The following CNTN5 variants were observed in gnomAD, a reference collection of about 807,000 sequenced individuals.
The protein encoded by CNTN5 is contactin 5, also known as contactin-5.
CNTN5 carries 77 observed loss-of-function variants against 129.1 expected under a neutral mutation model. That is an observed-to-expected ratio of 0.60 (90% CI 0.50 to 0.72). The LOEUF (loss-of-function observed/expected upper bound fraction) is 0.72. Among genes scored for constraint, CNTN5 ranks in the 30% least tolerant of loss-of-function variants. The probability of loss-of-function intolerance (pLI) is 0.00; values close to 1 mark genes in which losing one functional copy is unlikely to be tolerated. For missense variants in CNTN5, 1,478 were observed against 1,328.8 expected (o/e 1.11, Z -1.75); for synonymous variants, 509 against 465.6 (o/e 1.09, Z -1.20).
intron 22 of CNTN5, 136 bp downstream of exon 22, chr11:100,340,785 C>G (rs1952141464): frequency 2.5e-6 from 2 of 793,796 alleles, no homozygotes; most frequent in Non-Finnish European, 3.9e-6. Context: ...GTGCTTAGAT[C>G]TGAATCCTCA....
At chr11:99,309,677 C>A (rs945996633) in intron 1 of CNTN5, among the ~76,000 whole-genome samples, 1 of 152,186 alleles carries the variant, frequency 6.6e-6, no homozygotes, top group African/African-American at 2.4e-5. Flanking sequence ...TATCTAAATA[C>A]CTACAGTGAA....
At position 100,081,389 on chromosome 11, in the gene CNTN5, G is replaced by A. The variant is rs115551669; in HGVS notation, c.1580+7095G>A. On this transcript the variant is annotated intron_variant, in intron 13 of 24. Transcript: ENST00000524871. ...CTGAAACTTTAATGAAGTCAATTAA[G>A]AAACCAGCAGAGGAAAAATTTTACT... Among the ~76,000 whole-genome samples, 1,152 of 152,152 alleles carry A rather than the reference G, an allele frequency of 7.6e-3. 14 individuals carry two copies. The highest frequency in any genetic ancestry group is 0.026 in the African/African-American group (1,094 of 41,528).
intron 8 of CNTN5, among the ~76,000 whole-genome samples, chr11:99,992,143 C>G (rs1177131388): frequency 6.6e-6 from 1 of 152,182 alleles, no homozygotes; most frequent in African/African-American, 2.4e-5. Flanking sequence ...TCAGCTAAAC[C>G]TTTCCAACTC....
intron 9 of CNTN5, among the ~76,000 whole-genome samples, chr11:100,034,379 T>C (rs1323333886): frequency 6.6e-6 from 1 of 152,238 alleles, no homozygotes; most frequent in Non-Finnish European, 1.5e-5. Context: ...ATCATTGATA[T>C]TCTATCCAGT....
intron 3 of CNTN5, among the ~76,000 whole-genome samples, chr11:99,725,977 T>C (rs1013819607): frequency 1.3e-5 from 2 of 152,232 alleles, no homozygotes; most frequent in South Asian, 4.1e-4. Flanking sequence ...AATATTATTA[T>C]TAGAATATTG....
chr11:100,312,369 C>A (rs1161383717), intron 21 of CNTN5, among the ~76,000 whole-genome samples: 1 of 151,918 alleles, frequency 6.6e-6, no homozygotes, highest in Non-Finnish European at 1.5e-5. Context: ...TTTCTGTATT[C>A]TTTTTCCCTC....
At chr11:99,331,904 G>A (rs1866016226) in intron 2 of CNTN5, among the ~76,000 whole-genome samples, 1 of 152,048 alleles carries the variant, frequency 6.6e-6, no homozygotes, top group Non-Finnish European at 1.5e-5. Flanking sequence ...ATTTCCATGA[G>A]CCATGTTGCT....
intron 9 of CNTN5, among the ~76,000 whole-genome samples, chr11:100,044,740 G>C (rs1479177348): frequency 6.6e-6 from 1 of 150,846 alleles, no homozygotes; most frequent in East Asian, 2.0e-4. Flanking sequence ...CCCTCTGTCA[G>C]ATGCATAGTT....
intron 8 of CNTN5, among the ~76,000 whole-genome samples, chr11:100,000,314 G>A (rs1246674356): frequency 6.6e-6 from 1 of 152,122 alleles, no homozygotes; most frequent in Non-Finnish European, 1.5e-5. Context: ...TTCCAAATGG[G>A]AGAAATTGGC....
At chr11:99,102,309 A>G (rs1397579116) in intron 1 of CNTN5, among the ~76,000 whole-genome samples, 1 of 152,058 alleles carries the variant, frequency 6.6e-6, no homozygotes, top group Non-Finnish European at 1.5e-5. Flanking sequence ...CATTTTCCCC[A>G]TTGTCTTGGC....
intron 1 of CNTN5, among the ~76,000 whole-genome samples, chr11:99,294,423 T>C (rs995472462): frequency 1.3e-5 from 2 of 152,090 alleles, no homozygotes; most frequent in African/African-American, 2.4e-5. Context: ...TTACAATGAG[T>C]ATGAAAAATA....
At chr11:100,205,136 T>C (rs970320548) in intron 15 of CNTN5, among the ~76,000 whole-genome samples, 2 of 152,060 alleles carry the variant, frequency 1.3e-5, no homozygotes, top group Non-Finnish European at 2.9e-5. Context: ...TTGACTCCTA[T>C]GTTATTTCTC....
At chr11:100,065,976 TA>T (rs1199999156) in intron 10 of CNTN5, among the ~76,000 whole-genome samples, 3 of 152,108 alleles carry the variant, frequency 2.0e-5, no homozygotes, top group Non-Finnish European at 4.4e-5. Flanking sequence ...TCCTGGTTAA[TA>T]ATTTCATACC....
At chr11:99,844,734 C>T in intron 4 of CNTN5, 118 bp from the exon 5 acceptor site, 1 of 880,444 alleles carries the variant, frequency 1.1e-6, no homozygotes. Flanking sequence ...TGGGAATTTA[C>T]CTGTTGATTA....
chr11:99,813,277 T>C (rs986383789), intron 3 of CNTN5, among the ~76,000 whole-genome samples: 4 of 152,168 alleles, frequency 2.6e-5, no homozygotes, highest in African/African-American at 9.7e-5. Context: ...ATATTTCTAT[T>C]TCACTGAGCC....
chr11:99,833,974 G>T (rs544418430), intron 4 of CNTN5, among the ~76,000 whole-genome samples: 3 of 152,112 alleles, frequency 2.0e-5, no homozygotes, highest in Non-Finnish European at 4.4e-5. Flanking sequence ...TCCTATAATT[G>T]CAAAGCACAG....
chr11:99,104,535 C>T (rs957484613), intron 1 of CNTN5, among the ~76,000 whole-genome samples: 2 of 151,932 alleles, frequency 1.3e-5, no homozygotes, highest in Non-Finnish European at 2.9e-5. Flanking sequence ...ACTGATTTTA[C>T]ATGTTCTCAC....
intron 3 of CNTN5, among the ~76,000 whole-genome samples, chr11:99,777,950 A>G (rs1945182074): frequency 6.6e-6 from 1 of 151,852 alleles, no homozygotes; most frequent in African/African-American, 2.4e-5. Flanking sequence ...AGAAATGGTA[A>G]TTGGGTATTC....
At position 99,367,741 on chromosome 11, in the gene CNTN5, G is replaced by A. The variant is rs575885805; in HGVS notation, c.-71+42257G>A. Among the ~76,000 whole-genome samples, 10 of 152,220 alleles carry A rather than the reference G, an allele frequency of 6.6e-5. No homozygotes were observed. In the South Asian group the frequency reaches 2.1e-3, roughly 32 times the overall value. Reference sequence around the variant, plus strand: ...CAAGAGAAAGAGGGAGGTAGGATGGGTGGAGAGAGAGAGAAGATTTAATGA... The same window carrying A: ...CAAGAGAAAGAGGGAGGTAGGATGGATGGAGAGAGAGAGAAGATTTAATGA... On this transcript the variant is annotated intron_variant, in intron 2 of 24. Coordinates refer to ENST00000524871, the MANE Select transcript of CNTN5 (RefSeq NM_014361.4).
Sources: gnomAD v4.1 joint callset for allele counts (sites outside exome capture counted in the v4.1 genomes callset) on GRCh38, gnomAD v4.1.1 for gene constraint, MANE v1.5 for transcripts, NCBI Gene and HGNC (gene_info 2026-07-23, HGNC 2026-07-21) for gene names.